The following LARP4B variants were observed in gnomAD, a reference collection of about 807,000 sequenced individuals.
The protein encoded by LARP4B is la-related protein 4B.
Under a neutral mutation model 89.8 loss-of-function variants are expected in LARP4B, and 12 were observed. The observed-to-expected ratio is 0.13, with a 90% CI of 0.09 to 0.22. The LOEUF is 0.22. Among genes scored for constraint, LARP4B ranks in the 10% least tolerant of loss-of-function variants. The pLI, the probability that LARP4B is intolerant of heterozygous loss-of-function variation, is 1.00. For synonymous variants in LARP4B, 367 were observed against 363.3 expected (o/e 1.01, Z -0.12); for missense variants, 757 against 947.7 (o/e 0.80, Z 2.64).
intron 5 of LARP4B, among the ~76,000 whole-genome samples, chr10:851,573 G>C (rs559846774): frequency 6.6e-6 from 1 of 152,250 alleles, no homozygotes; most frequent in African/African-American, 2.4e-5. Flanking sequence ...ACCAATAACA[G>C]AGATGAGTGA....
chr10:893,313 T>C (rs1055451232), intron 1 of LARP4B, among the ~76,000 whole-genome samples: 2 of 152,176 alleles, frequency 1.3e-5, no homozygotes, highest in African/African-American at 2.4e-5. Flanking sequence ...ATATTGTATA[T>C]ATACATGCCT....
At chr10:928,868 C>T (rs535461322) in intron 1 of LARP4B, among the ~76,000 whole-genome samples, 1 of 149,384 alleles carries the variant, frequency 6.7e-6, no homozygotes, top group East Asian at 1.9e-4. Flanking sequence ...GCCACCTCAC[C>T]CAGCCTGCAC....
chr10:851,090 C>A (rs936706540), intron 5 of LARP4B, among the ~76,000 whole-genome samples: 1 of 150,010 alleles, frequency 6.7e-6, no homozygotes, highest in African/African-American at 2.5e-5. Flanking sequence ...CCAAAGAAAT[C>A]GTAAGAGAGT....
chr10:923,071 C>T (rs1208401922), intron 1 of LARP4B, among the ~76,000 whole-genome samples: 1 of 150,368 alleles, frequency 6.7e-6, no homozygotes, highest in Admixed American at 6.6e-5. Flanking sequence ...GAGACTCCAC[C>T]TCAAAAAAAA....
chr10:987,568 T>C, the LARP4B span: 1 of 152,240 alleles, frequency 6.6e-6, no homozygotes, highest in African/African-American at 2.4e-5. Context: ...TTCATGAGGC[T>C]GTTGCAGAAA....
Position 822,049 on chromosome 10 carries a change from C to T in LARP4B, c.1485-1204G>A, listed in dbSNP as rs1832377998. On this transcript the variant is annotated intron_variant, in intron 13 of 17. Coordinates refer to ENST00000316157, the MANE Select transcript of LARP4B (RefSeq NM_015155.3). The surrounding 1 kb of genome is among the most constrained non-coding windows in gnomAD (Gnocchi z 4.6). ...GGGCCTGCATTATGGACAGCCACCC[C>T]AGTACACACCTGGCTCAGCACCACT... is the stretch of plus-strand genomic sequence containing the variant. Among the ~76,000 whole-genome samples the T allele has an allele frequency of 6.6e-6, 1 of 152,210 alleles. No homozygotes were observed. Among genetic ancestry groups the T allele is most frequent in the Non-Finnish European group, 1.5e-5 (1 of 68,024 alleles).
chr10:815,904 A>C (rs1483457249), intron 15 of LARP4B, among the ~76,000 whole-genome samples: 1 of 152,204 alleles, frequency 6.6e-6, no homozygotes, highest in Non-Finnish European at 1.5e-5. Flanking sequence ...ACAAGAGGGC[A>C]AAGGACTCCT....
At chr10:841,919 C>A (rs1427748807) in intron 7 of LARP4B, among the ~76,000 whole-genome samples, 4 of 152,062 alleles carry the variant, frequency 2.6e-5, no homozygotes, top group African/African-American at 9.7e-5. Context: ...GAAAATCCAA[C>A]TAAGTTCTCA....
chr10:813,616 T>G (rs886738513), intron 17 of LARP4B, among the ~76,000 whole-genome samples: 5 of 152,180 alleles, frequency 3.3e-5, no homozygotes, highest in African/African-American at 1.2e-4. Context: ...TACTCAACCC[T>G]GAAAGGCAAA....
At chr10:839,757 C>A (rs1016276329) in intron 7 of LARP4B, among the ~76,000 whole-genome samples, 6 of 152,156 alleles carry the variant, frequency 3.9e-5, no homozygotes, top group African/African-American at 1.2e-4. Context: ...CAGTTGCTCA[C>A]ACACCTAACC....
the LARP4B span, among the ~76,000 whole-genome samples, chr10:957,806 T>C: frequency 3.3e-5 from 5 of 150,334 alleles, no homozygotes; most frequent in Non-Finnish European, 7.4e-5. Context: ...CTTTCTTTTT[T>C]TTTTTTTTTT....
At chr10:924,770 G>A (rs897604765) in intron 1 of LARP4B, among the ~76,000 whole-genome samples, 1 of 152,196 alleles carries the variant, frequency 6.6e-6, no homozygotes, top group Non-Finnish European at 1.5e-5. Flanking sequence ...CCGGATGTCA[G>A]TGCACTGCAC....
intron 1 of LARP4B, among the ~76,000 whole-genome samples, chr10:904,663 G>A (rs1251694302): frequency 6.6e-6 from 1 of 152,046 alleles, no homozygotes; most frequent in Non-Finnish European, 1.5e-5. Context: ...TCACAACACA[G>A]CATCATAGGT....
chr10:955,437 G>A, the LARP4B span, among the ~76,000 whole-genome samples: 2,346 of 152,294 alleles, frequency 0.015, 65 homozygotes, highest in African/African-American at 0.053. This position sits in a 1 kb window ranked among gnomAD's most constrained non-coding sequence, Gnocchi z 5.2. Context: ...AGGGTTTCTG[G>A]CACTTCTGTG....
At chr10:938,252 CTT>C in the LARP4B span, among the ~76,000 whole-genome samples, 36 of 123,340 alleles carry the variant, frequency 2.9e-4, no homozygotes, top group Non-Finnish European at 4.0e-4. Context: ...GGTTCTTTTT[CTT>C]TTTTTTTTTT....
chr10:878,888 T>G (rs1278682627), intron 3 of LARP4B, among the ~76,000 whole-genome samples: 1 of 152,372 alleles, frequency 6.6e-6, no homozygotes, highest in South Asian at 2.1e-4. Context: ...TGTCATATTC[T>G]AAATGATGCA....
intron 8 of LARP4B, among the ~76,000 whole-genome samples, chr10:832,541 T>A (rs1832964233): frequency 6.6e-6 from 1 of 152,128 alleles, no homozygotes; most frequent in African/African-American, 2.4e-5. Context: ...CACCAAAGCA[T>A]ATTGCAATCA....
At chr10:877,406 C>G (rs1010858585) in intron 3 of LARP4B, among the ~76,000 whole-genome samples, 2 of 58,790 alleles carry the variant, frequency 3.4e-5, no homozygotes, top group Non-Finnish European at 7.5e-5. Flanking sequence ...TTCTGAAAAG[C>G]CTTTCAGATG....
chr10:815,828 C>T (rs1246618755), intron 15 of LARP4B: 1 of 152,238 alleles, frequency 6.6e-6, no homozygotes, highest in Non-Finnish European at 1.5e-5. Flanking sequence ...TAGAGCCCTT[C>T]CAGCTGGAGA....
Sources: gnomAD v4.1 joint callset for allele counts (sites outside exome capture counted in the v4.1 genomes callset) on GRCh38, gnomAD v4.1.1 for gene constraint, Gnocchi (gnomAD v3.1) non-coding constraint, MANE v1.5 for transcripts, NCBI Gene and HGNC (gene_info 2026-07-23, HGNC 2026-07-21) for gene names.